RASSF8: variants seen among roughly 807,000 people sequenced by gnomAD.
RASSF8 encodes ras association domain-containing protein 8.
RASSF8 carries 22 observed loss-of-function variants against 48.5 expected under a neutral mutation model. The observed-to-expected ratio is 0.45, with a 90% CI of 0.32 to 0.65. RASSF8 has a LOEUF of 0.65. Among genes scored for constraint, RASSF8 ranks in the 30% least tolerant of loss-of-function variants. RASSF8 has a pLI of 0.03. For missense variants in RASSF8, 418 were observed against 489.2 expected (o/e 0.85, Z 1.37); for synonymous variants, 127 against 171.5 (o/e 0.74, Z 2.03).
intron 5 of RASSF8, chr12:26,079,027 A>T: frequency 6.5e-7 from 1 of 1,545,946 alleles, no homozygotes; most frequent in Non-Finnish European, 8.7e-7. Flanking sequence ...CTTCTGTTTT[A>T]TCTAGGGATC....
At chr12:26,079,020 CTG>C in intron 5 of RASSF8, 1 of 1,537,988 alleles carries the variant, frequency 6.5e-7, no homozygotes, top group Non-Finnish European at 8.8e-7. Flanking sequence ...TGTGTTTCTT[CTG>C]TTTTATCTAG....
intron 1 of RASSF8, among the ~76,000 whole-genome samples, chr12:25,970,561 C>T (rs1342754409): frequency 6.6e-6 from 1 of 152,160 alleles, no homozygotes; most frequent in Non-Finnish European, 1.5e-5. Context: ...GCCTGAAACC[C>T]ATCCTCCATG....
At chr12:25,979,016 G>T (rs1941675418) in intron 1 of RASSF8, among the ~76,000 whole-genome samples, 1 of 152,148 alleles carries the variant, frequency 6.6e-6, no homozygotes, top group Non-Finnish European at 1.5e-5. Context: ...AGTAGAAAAA[G>T]ATACGGTAGT....
At chr12:25,964,857 A>C (rs4963643) in intron 1 of RASSF8, among the ~76,000 whole-genome samples, 25,769 of 152,168 alleles carry the variant, frequency 0.17, 2,273 homozygotes, top group East Asian at 0.24. Context: ...AATATCTTAT[A>C]GTAGTTTATT....
At chr12:26,005,160 ATGGGG>A (rs1009635800) in intron 2 of RASSF8, among the ~76,000 whole-genome samples, 20 of 130,748 alleles carry the variant, frequency 1.5e-4, no homozygotes, top group African/African-American at 5.8e-4. Flanking sequence ...ATTTTTACGG[ATGGGG>A]TGTGTGTGTG....
Position 26,068,686 on chromosome 12 carries a change from T to C in RASSF8, c.1139-11T>C. 6.5e-7 allele frequency: 1 copy of C among 1,534,576 alleles called. No homozygotes were observed. Among genetic ancestry groups the C allele is most frequent in the East Asian group, 2.4e-5 (1 of 40,894 alleles). ...GAGCTCATCAGGTGGCTCTCTTTGT[T>C]TCCTGTTTAGAGGCACCATTCCAGT... On this transcript the variant is annotated splice_polypyrimidine_tract_variant and intron_variant, in intron 5 of 5. Coordinates refer to ENST00000689635, the MANE Select transcript of RASSF8 (RefSeq NM_001394098.1).
intron 3 of RASSF8, among the ~76,000 whole-genome samples, chr12:26,062,668 A>T (rs1943770044): frequency 6.6e-6 from 1 of 152,140 alleles, no homozygotes; most frequent in Non-Finnish European, 1.5e-5. Context: ...GCTTTTTAAA[A>T]GTCAGATTGT....
At chr12:25,969,435 A>G (rs1210034625) in intron 1 of RASSF8, among the ~76,000 whole-genome samples, 3 of 152,190 alleles carry the variant, frequency 2.0e-5, no homozygotes, top group Non-Finnish European at 4.4e-5. Context: ...ATAGTATTAT[A>G]AAAGTGTTTG....
intron 2 of RASSF8, among the ~76,000 whole-genome samples, chr12:26,010,281 C>T (rs189416929): frequency 6.6e-6 from 1 of 152,350 alleles, no homozygotes; most frequent in African/African-American, 2.4e-5. Context: ...GAAGGTAGAA[C>T]CAATGGCTTT....
At chr12:26,008,016 G>A (rs6487523) in intron 2 of RASSF8, among the ~76,000 whole-genome samples, 48,704 of 152,068 alleles carry the variant, frequency 0.32, 8,326 homozygotes, top group East Asian at 0.52. Context: ...GCTCACGCCT[G>A]TAATCCCAGC....
chr12:26,012,556 A>G (rs1285480558), intron 2 of RASSF8, among the ~76,000 whole-genome samples: 1 of 152,086 alleles, frequency 6.6e-6, no homozygotes, highest in Non-Finnish European at 1.5e-5. Flanking sequence ...AAACATAACT[A>G]TATCCATATA....
chr12:25,990,399 A>G (rs17361182), intron 1 of RASSF8, among the ~76,000 whole-genome samples: 15,032 of 152,246 alleles, frequency 0.099, 788 homozygotes, highest in Middle Eastern at 0.14. Context: ...TGAAACCCAT[A>G]TCTTCATCAT....
intron 3 of RASSF8, among the ~76,000 whole-genome samples, chr12:26,056,865 G>A (rs1943614465): frequency 6.6e-6 from 1 of 152,016 alleles, no homozygotes; most frequent in South Asian, 2.1e-4. Context: ...TTCTTTCTAT[G>A]AGCTTATTTA....
intron 2 of RASSF8, among the ~76,000 whole-genome samples, chr12:26,006,116 A>C (rs1942384479): frequency 6.6e-6 from 1 of 152,180 alleles, no homozygotes; most frequent in African/African-American, 2.4e-5. Flanking sequence ...AGGAGTTAGA[A>C]AAAAGATACT....
intron 2 of RASSF8, among the ~76,000 whole-genome samples, chr12:25,999,640 A>G (rs1942209307): frequency 6.6e-6 from 1 of 152,180 alleles, no homozygotes; most frequent in Non-Finnish European, 1.5e-5. Flanking sequence ...AGGTGGGAGG[A>G]TTACACCACT....
At chr12:25,983,325 AACTAG>A (rs1203882731) in intron 1 of RASSF8, among the ~76,000 whole-genome samples, 1 of 152,264 alleles carries the variant, frequency 6.6e-6, no homozygotes, top group Non-Finnish European at 1.5e-5. Flanking sequence ...TTTAATGGCA[AACTAG>A]ACATAGCCAG....
At position 26,070,979 on chromosome 12, in the gene RASSF8, A is replaced by G. The variant is rs1254180518; in HGVS notation, c.*2161A>G. ...AGTAGTCTTGGGTTCCCAGCAGAGT[A>G]TCACAGTTAACCTCTCTGACAACTT... On this transcript the variant is annotated 3_prime_UTR_variant, in exon 6 of 6. Transcript: ENST00000689635. 3 of 984,746 alleles carry G rather than the reference A, an allele frequency of 3.0e-6. No individual in the cohort carries two copies. The highest frequency in any genetic ancestry group is 5.2e-4 in the Middle Eastern group (1 of 1,936). 61.0% of individuals were successfully genotyped at this position (984,746 alleles called of 1,614,324 possible).
At chr12:26,003,491 A>T (rs750256460) in intron 2 of RASSF8, among the ~76,000 whole-genome samples, 3 of 152,220 alleles carry the variant, frequency 2.0e-5, no homozygotes, top group Non-Finnish European at 4.4e-5. Context: ...GCAGACTATT[A>T]TGCAGCCAAT....
Position 26,070,822 on chromosome 12 carries a change from T to C in RASSF8, c.*2004T>C. On this transcript the variant is annotated 3_prime_UTR_variant, in exon 6 of 6. Coordinates refer to ENST00000689635, the MANE Select transcript of RASSF8 (RefSeq NM_001394098.1). Reference sequence around the variant, plus strand: ...TGTTAAACTGGAGGCAGTATTAAACTTTGCAATTAGGAGTTTCAGAGATGC... The same window carrying C: ...TGTTAAACTGGAGGCAGTATTAAACCTTGCAATTAGGAGTTTCAGAGATGC... The C allele has an allele frequency of 1.0e-6, 1 of 983,490 alleles. No homozygotes were observed. Among genetic ancestry groups the C allele is most frequent in the Non-Finnish European group, 1.2e-6 (1 of 828,212 alleles). The allele number at this position is 983,490 out of a possible 1,614,324, so 60.9% of individuals were successfully genotyped here.
Sources: gnomAD v4.1 joint callset for allele counts (sites outside exome capture counted in the v4.1 genomes callset) on GRCh38, gnomAD v4.1.1 for gene constraint, MANE v1.5 for transcripts, NCBI Gene and HGNC (gene_info 2026-07-23, HGNC 2026-07-21) for gene names.